Variants in AGBL4 observed in about 807,000 individuals in gnomAD.
The protein encoded by AGBL4 is cytosolic carboxypeptidase 6.
AGBL4 carries 58 observed loss-of-function variants against 66.4 expected under a neutral mutation model. That is an observed-to-expected ratio of 0.87 (90% CI 0.71 to 1.09). AGBL4 has a LOEUF of 1.09. Ranked by LOEUF, AGBL4 falls within the 50% of genes least tolerant of loss-of-function variation. The pLI, the probability that AGBL4 is intolerant of heterozygous loss-of-function variation, is 0.00. For synonymous variants in AGBL4, 234 were observed against 222.9 expected (o/e 1.05, Z -0.44); for missense variants, 579 against 631.0 (o/e 0.92, Z 0.88).
At chr1:49,654,762 T>G (rs981416768) in intron 3 of AGBL4, among the ~76,000 whole-genome samples, 4 of 152,210 alleles carry the variant, frequency 2.6e-5, no homozygotes, top group Non-Finnish European at 5.9e-5. Flanking sequence ...CTTTTTTTGC[T>G]TTCCATTTGC....
chr1:49,531,493 T>C (rs1045010859), intron 3 of AGBL4, among the ~76,000 whole-genome samples: 1 of 152,160 alleles, frequency 6.6e-6, no homozygotes, highest in African/African-American at 2.4e-5. Context: ...AAAGGATTTC[T>C]GTGAAACAGT....
chr1:49,696,415 G>A lies in AGBL4; in HGVS notation c.282+898C>T, dbSNP rs140776987. Among the ~76,000 whole-genome samples the A allele has an allele frequency of 7.9e-5, 12 of 151,990 alleles. No individual in the cohort carries two copies. The East Asian group carries it at 1.2e-3, about 15-fold the overall frequency. On this transcript the variant is annotated intron_variant, in intron 3 of 13. Coordinates refer to ENST00000371839, the MANE Select transcript of AGBL4 (RefSeq NM_032785.4). ...ATTATGGTTAAAAGCAGATTAATAC[G>A]TTCAAAATACAAGTTGAGAATCCCT...
intron 6 of AGBL4, 130 bp downstream of exon 6, chr1:48,867,061 C>T (rs1315670116): frequency 1.9e-6 from 2 of 1,041,346 alleles, no homozygotes; most frequent in African/African-American, 1.6e-5. Flanking sequence ...AAGAATCATT[C>T]ATGGTGCAAG....
intron 5 of AGBL4, among the ~76,000 whole-genome samples, chr1:48,981,706 G>A (rs1659785006): frequency 1.3e-5 from 2 of 152,138 alleles, no homozygotes; most frequent in Non-Finnish European, 2.9e-5. Flanking sequence ...CCAACATGGT[G>A]AAACCCCAGC....
At chr1:48,986,541 C>G (rs1660190245) in intron 5 of AGBL4, among the ~76,000 whole-genome samples, 1 of 151,922 alleles carries the variant, frequency 6.6e-6, no homozygotes, top group Non-Finnish European at 1.5e-5. Flanking sequence ...AAACTTCAAA[C>G]TAGAATTCTA....
rs536444649 is a variant in AGBL4 at position 49,354,303 on chromosome 1, A to G, written c.283-108439T>C. ...CTCTCCTGTTCCACAGTGATGAATA[A>G]TTAGTTTTCATCTTAATATTTAATC... On this transcript the variant is annotated intron_variant, in intron 3 of 13. Transcript: ENST00000371839. Among the ~76,000 whole-genome samples the G allele has an allele frequency of 5.3e-5, 8 of 152,356 alleles. No individual in the cohort carries two copies. The East Asian group carries it at 1.3e-3, about 26-fold the overall frequency.
At chr1:48,653,512 T>C (rs1645967768) in intron 7 of AGBL4, 61 bp from the exon 8 acceptor site, 5 of 1,306,702 alleles carry the variant, frequency 3.8e-6, no homozygotes, top group Non-Finnish European at 5.3e-6. Context: ...GAAACACATT[T>C]TTCTCAGCTT....
chr1:49,881,915 G>T (rs1647369171), intron 1 of AGBL4, among the ~76,000 whole-genome samples: 3 of 152,044 alleles, frequency 2.0e-5, no homozygotes, highest in Admixed American at 6.6e-5. Flanking sequence ...GTCAATTTTG[G>T]CTTTGGTTGC....
chr1:48,763,198 T>C (rs1446208784), intron 6 of AGBL4, among the ~76,000 whole-genome samples: 1 of 152,140 alleles, frequency 6.6e-6, no homozygotes, highest in African/African-American at 2.4e-5. Flanking sequence ...GTGGTCTTTG[T>C]TAATAACCCC....
chr1:49,911,337 C>A (rs1045579160), intron 1 of AGBL4, among the ~76,000 whole-genome samples: 2 of 152,222 alleles, frequency 1.3e-5, no homozygotes, highest in African/African-American at 4.8e-5. Flanking sequence ...GAGAAGCACA[C>A]TGAGCTCTAG....
intron 6 of AGBL4, among the ~76,000 whole-genome samples, chr1:48,804,297 T>C (rs1165912328): frequency 2.0e-5 from 3 of 152,076 alleles, no homozygotes; most frequent in Non-Finnish European, 2.9e-5. Context: ...CATTACAGGG[T>C]TGTCTGTAGA....
intron 3 of AGBL4, among the ~76,000 whole-genome samples, chr1:49,319,466 C>T (rs1050956247): frequency 6.6e-6 from 1 of 152,144 alleles, no homozygotes; most frequent in African/African-American, 2.4e-5. Context: ...TCCACCATTG[C>T]CAGAACTCAG....
At chr1:48,630,680 C>G (rs1645579255) in intron 9 of AGBL4, among the ~76,000 whole-genome samples, 1 of 152,216 alleles carries the variant, frequency 6.6e-6, no homozygotes, top group African/African-American at 2.4e-5. Flanking sequence ...AGAGGGGTCT[C>G]TCTGAAATGC....
At chr1:49,772,225 C>A (rs528215703) in intron 2 of AGBL4, among the ~76,000 whole-genome samples, 1 of 152,136 alleles carries the variant, frequency 6.6e-6, no homozygotes, top group East Asian at 1.9e-4. Context: ...GCTGATACTG[C>A]CTTAACTTTG....
chr1:49,187,517 G>C (rs1475659529), intron 4 of AGBL4: 2 of 152,104 alleles, frequency 1.3e-5, no homozygotes, highest in Non-Finnish European at 2.9e-5. Flanking sequence ...ATTTATGAGA[G>C]TCAAATGTTC....
intron 1 of AGBL4, among the ~76,000 whole-genome samples, chr1:49,915,276 C>G (rs944033667): frequency 1.3e-5 from 2 of 152,082 alleles, no homozygotes; most frequent in African/African-American, 2.4e-5. Flanking sequence ...ACAGCCGAAG[C>G]AGGGTGAGGC....
chr1:49,361,842 A>T (rs1224915233), intron 3 of AGBL4, among the ~76,000 whole-genome samples: 2 of 152,092 alleles, frequency 1.3e-5, no homozygotes, highest in Non-Finnish European at 2.9e-5. Context: ...ATGGACCATG[A>T]TAACTTTTAA....
intron 2 of AGBL4, among the ~76,000 whole-genome samples, chr1:49,833,175 G>T (rs1486984968): frequency 2.0e-5 from 3 of 152,166 alleles, no homozygotes; most frequent in African/African-American, 7.2e-5. Context: ...TTTGTATAAG[G>T]TGTAAGGAAG....
At chr1:49,575,146 T>C (rs1039227398) in intron 3 of AGBL4, among the ~76,000 whole-genome samples, 1 of 152,186 alleles carries the variant, frequency 6.6e-6, no homozygotes, top group African/African-American at 2.4e-5. Context: ...TCAGACATTT[T>C]AGGGACTACT....
Sources: gnomAD v4.1 joint callset for allele counts (sites outside exome capture counted in the v4.1 genomes callset) on GRCh38, gnomAD v4.1.1 for gene constraint, MANE v1.5 for transcripts, NCBI Gene and HGNC (gene_info 2026-07-23, HGNC 2026-07-21) for gene names.